Variants in DMBX1 observed in about 807,000 individuals in gnomAD.
DMBX1 encodes the protein diencephalon/mesencephalon homeobox 1.
Under a neutral mutation model 30.4 loss-of-function variants are expected in DMBX1, and 7 were observed. The ratio of observed to expected loss-of-function variants is 0.23; its 90% CI spans 0.13 to 0.43. The LOEUF (loss-of-function observed/expected upper bound fraction) is 0.43, where lower values mean the gene tolerates loss of function less well. Ranked by LOEUF, DMBX1 falls within the 20% of genes least tolerant of loss-of-function variation. The pLI is 1.00. For synonymous variants in DMBX1, 222 were observed against 214.2 expected (o/e 1.04, Z -0.32); for missense variants, 460 against 508.5 (o/e 0.90, Z 0.92).
intron 2 of DMBX1, among the ~76,000 whole-genome samples, chr1:46,495,240 C>T (rs960815006): frequency 6.6e-6 from 1 of 152,214 alleles, no homozygotes; most frequent in Admixed American, 6.5e-5. Flanking sequence ...GTCCATCGCT[C>T]AACAGGCAGT....
chr1:46,501,260 TTCTTTCTTTCTC>T lies in DMBX1; in HGVS notation c.-12-5737_-12-5726del, dbSNP rs796072999. On this transcript the variant is annotated intron_variant, in intron 2 of 5. Coordinates refer to ENST00000360032, the MANE Select transcript of DMBX1 (RefSeq NM_172225.2). ...TTTCTTTCTTTCTTTCTTTCTTTCT[TTCTTTCTTTCTC>T]TTCTTTCTTTCTTTCCTTCTCTCTT... Among the ~76,000 whole-genome samples, 421 of 129,182 alleles carry T rather than the reference TTCTTTCTTTCTC, an allele frequency of 3.3e-3. 11 individuals carry two copies. Among genetic ancestry groups the T allele is most frequent in the South Asian group, 6.3e-3 (24 of 3,788 alleles). The allele number at this position is 129,182 out of a possible 152,430, so 84.7% of individuals were successfully genotyped here.
intron 2 of DMBX1, among the ~76,000 whole-genome samples, chr1:46,502,207 G>A (rs1189555151): frequency 1.3e-5 from 2 of 152,166 alleles, no homozygotes; most frequent in South Asian, 2.1e-4. Flanking sequence ...TTACTTGGAA[G>A]TTGGATTCAC....
At chr1:46,511,932 C>T (rs1034100298) in intron 5 of DMBX1, 111 bp from the exon 6 acceptor site, 14 of 1,111,294 alleles carry the variant, frequency 1.3e-5, no homozygotes, top group African/African-American at 3.1e-5. Flanking sequence ...TGGTTTCAGC[C>T]GAAGCCTGTC....
rs12045245 is a variant in DMBX1 at position 46,511,045 on chromosome 1, C to T, written c.444C>T (p.Ala148=). Residue 148 remains alanine (A), a synonymous_variant, in exon 5 of 6, where the codon GCC becomes GCT. Transcript: ENST00000360032. ...EAEGSHGEGK[A]EAPTPDTQLD... is the part of the protein sequence containing the mutation. ...AGGGCTCCCATGGGGAAGGCAAGGCCGAGGCCCCCACTCCAGATACCCAGC... is the reference window on the plus strand; with the variant it reads ...AGGGCTCCCATGGGGAAGGCAAGGCTGAGGCCCCCACTCCAGATACCCAGC... 0.19 allele frequency: 298,679 copies of T among 1,613,818 alleles called. 31,984 individuals are homozygous for T. Among genetic ancestry groups the T allele is most frequent in the African/African-American group, 0.45 (33,510 of 74,938 alleles).
rs568534980 is a variant in DMBX1, at chr1:46,493,191, C to T, written c.-13+2408C>T. 2.6e-5 allele frequency among the ~76,000 whole-genome samples: 4 copies of T among 152,192 alleles called. No homozygotes were observed. Among genetic ancestry groups the T allele is most frequent in the Admixed American group, 2.0e-4 (3 of 15,286 alleles). On this transcript the variant is annotated intron_variant, in intron 2 of 5. Transcript: ENST00000360032. The surrounding 1 kb of genome is among the most constrained non-coding windows in gnomAD (Gnocchi z 4.1). ...AATATCTAATCAAGGCCCCGGGCGACGCCACTGCTGCCCGCCAAAGCCCAT... is the reference window on the plus strand; with the variant it reads ...AATATCTAATCAAGGCCCCGGGCGATGCCACTGCTGCCCGCCAAAGCCCAT...
intron 2 of DMBX1, among the ~76,000 whole-genome samples, chr1:46,496,753 C>T (rs1569881334): frequency 1.3e-5 from 2 of 152,340 alleles, no homozygotes; most frequent in Admixed American, 1.3e-4. Context: ...AGGTCTCTTT[C>T]CCTCCTGGTT....
chr1:46,505,127 T>C (rs1666206884), intron 2 of DMBX1, among the ~76,000 whole-genome samples: 1 of 141,950 alleles, frequency 7.0e-6, no homozygotes, highest in African/African-American at 2.6e-5. Context: ...TGTGGAGAAA[T>C]AGGAACACTT....
chr1:46,498,360 C>G (rs907520671), intron 2 of DMBX1, among the ~76,000 whole-genome samples: 1 of 152,272 alleles, frequency 6.6e-6, no homozygotes, highest in African/African-American at 2.4e-5. Context: ...TCAACATTTA[C>G]TATTTACTAA....
At chr1:46,508,145 G>T (rs1666277101) in intron 3 of DMBX1, among the ~76,000 whole-genome samples, 1 of 152,014 alleles carries the variant, frequency 6.6e-6, no homozygotes, top group Non-Finnish European at 1.5e-5. Flanking sequence ...TTGAGCAGCT[G>T]GTAAACCCAC....
At chr1:46,511,891 A>AG in intron 5 of DMBX1, 152 bp from the exon 6 acceptor site, 1 of 816,274 alleles carries the variant, frequency 1.2e-6, no homozygotes, top group Non-Finnish European at 1.9e-6. Flanking sequence ...GCCTTGCTTC[A>AG]GGGGATGCTC....
Position 46,510,878 on chromosome 1 carries a change from C to T in DMBX1, c.334-57C>T. ...ACATCCTCTCCCAGAGCACCCTGCTCCACACCAACCCCACTTCTTTCTTGC... is the reference window on the plus strand; with the variant it reads ...ACATCCTCTCCCAGAGCACCCTGCTTCACACCAACCCCACTTCTTTCTTGC... On this transcript the variant is annotated intron_variant, in intron 4 of 5. Transcript: ENST00000360032. The surrounding 1 kb of genome is among the most constrained non-coding windows in gnomAD (Gnocchi z 4.1). 1 of 1,503,232 alleles carries T rather than the reference C, an allele frequency of 6.7e-7. No individual in the cohort carries two copies. The highest frequency in any genetic ancestry group is 8.9e-7 in the Non-Finnish European group (1 of 1,120,300). The allele number at this position is 1,503,232 out of a possible 1,614,324, so 93.1% of individuals were successfully genotyped here. A position where few individuals can be genotyped will look rare whatever the true frequency, so the allele number is the denominator to read the frequency against.
At chr1:46,509,578 C>T (rs938647187) in intron 3 of DMBX1, among the ~76,000 whole-genome samples, 1 of 152,166 alleles carries the variant, frequency 6.6e-6, no homozygotes. Flanking sequence ...AGGCTATACC[C>T]CAGGATGGAG....
chr1:46,511,053 C>T lies in DMBX1; in HGVS notation c.452C>T (p.Pro151Leu). The T allele has an allele frequency of 6.2e-7, 1 of 1,614,130 alleles. No individual in the cohort carries two copies. Among genetic ancestry groups the T allele is most frequent in the Non-Finnish European group, 8.5e-7 (1 of 1,180,006 alleles). The part of the protein sequence containing the change: ...GSHGEGKAEA[P>L]TPDTQLDTEQ... ...CATGGGGAAGGCAAGGCCGAGGCCC[C>T]CACTCCAGATACCCAGCTGGACACT... The change falls in exon 5 of 6, where the codon CCC becomes CTC. Residue 151 changes from proline (P) to leucine (L), a missense_variant. Physicochemically the swap from Pro to Leu is moderately conservative, Grantham distance 98. Transcript: ENST00000360032.
Position 46,511,165 on chromosome 1 carries a change from C to T in DMBX1, c.564C>T (p.Pro188=), listed in dbSNP as rs1886116. ...LSEQSASESA[P]EDQPDREEDP... The stretch of plus-strand genomic sequence containing the variant: ...AGCAGTCAGCCAGTGAGTCAGCCCC[C>T]GAGGATCAGCCGGACCGTGAGGAGG... Residue 188 remains proline (P), a synonymous_variant, in exon 5 of 6, where the codon CCC becomes CCT. Coordinates refer to ENST00000360032, the MANE Select transcript of DMBX1 (RefSeq NM_172225.2). The T allele has an allele frequency of 0.39, 626,961 of 1,613,280 alleles. 132,529 individuals are homozygous for T. Among genetic ancestry groups the T allele is most frequent in the Non-Finnish European group, 0.44 (518,104 of 1,179,744 alleles).
intron 2 of DMBX1, among the ~76,000 whole-genome samples, chr1:46,497,900 A>G (rs1666053806): frequency 6.6e-6 from 1 of 152,224 alleles, no homozygotes; most frequent in Non-Finnish European, 1.5e-5. Flanking sequence ...CCGCGCCGTG[A>G]TGGATGGCTC....
intron 3 of DMBX1, 40 bp downstream of exon 3, chr1:46,507,204 G>T (rs764124079): frequency 1.2e-6 from 2 of 1,606,402 alleles, no homozygotes; most frequent in Admixed American, 3.4e-5. Flanking sequence ...ACAGGACTGT[G>T]GGGGTTGGGG....
At chr1:46,498,188 A>G (rs1666060503) in intron 2 of DMBX1, among the ~76,000 whole-genome samples, 1 of 152,146 alleles carries the variant, frequency 6.6e-6, no homozygotes, top group Admixed American at 6.5e-5. Flanking sequence ...TTGCTGGGAA[A>G]GGGCCCACTG....
intron 2 of DMBX1, among the ~76,000 whole-genome samples, chr1:46,500,339 A>G (rs1469071276): frequency 6.6e-6 from 1 of 150,588 alleles, no homozygotes; most frequent in Non-Finnish European, 1.5e-5. Flanking sequence ...GTCAATTAAA[A>G]TGTCACTTAC....
intron 5 of DMBX1, 143 bp from the exon 6 acceptor site, chr1:46,511,900 T>C (rs1001200172): frequency 1.4e-5 from 12 of 857,278 alleles, no homozygotes; most frequent in Non-Finnish European, 2.2e-5. Flanking sequence ...CAGGGGATGC[T>C]CTGGCTGAGA....
Sources: gnomAD v4.1 joint callset for allele counts (sites outside exome capture counted in the v4.1 genomes callset) on GRCh38, gnomAD v4.1.1 for gene constraint, Gnocchi (gnomAD v3.1) non-coding constraint, MANE v1.5 for transcripts, NCBI Gene and HGNC (gene_info 2026-07-23, HGNC 2026-07-21) for gene names.